Variants in SYDE2 observed in about 807,000 individuals in gnomAD.
SYDE2 encodes rho GTPase-activating protein SYDE2.
Under a neutral mutation model 91.5 loss-of-function variants are expected in SYDE2, and 76 were observed. That is an observed-to-expected ratio of 0.83 (90% CI 0.69 to 1.01). The LOEUF (loss-of-function observed/expected upper bound fraction) is 1.01. Ranked by LOEUF, SYDE2 falls within the 50% of genes least tolerant of loss-of-function variation. The pLI is 0.00. For synonymous variants in SYDE2, 513 were observed against 506.4 expected, an observed-to-expected ratio of 1.01 and a Z score of -0.18; for missense variants, 1,364 against 1,367.7, an observed-to-expected ratio of 1.00 and a Z score of 0.04.
rs765396496 is a variant in SYDE2, at chr1:85,182,430, T to C, written c.2212A>G (p.Asn738Asp). Residue 738 changes from asparagine (N) to aspartate (D), a missense_variant, in exon 3 of 7, where the codon AAT becomes GAT. Coordinates refer to ENST00000341460, the MANE Select transcript of SYDE2 (RefSeq NM_032184.2). ...MDHTFNIEIE[N>D]AQHLKLVVFS... Reference sequence around the variant, plus strand: ...ACTACTAGTTTCAAATGTTGTGCATTTTCAATTTCTATGTTGAAAGTGTGA... The same window carrying C: ...ACTACTAGTTTCAAATGTTGTGCATCTTCAATTTCTATGTTGAAAGTGTGA... The C allele has an allele frequency of 1.2e-6, 2 of 1,613,656 alleles. No individual in the cohort carries two copies. The highest frequency in any genetic ancestry group is 2.2e-5 in the East Asian group (1 of 44,874).
chr1:85,168,918 A>C, intron 5 of SYDE2, 126 bp downstream of exon 5: 1 of 808,842 alleles, frequency 1.2e-6, no homozygotes, highest in African/African-American at 1.7e-5. Context: ...TAAAGGCAGT[A>C]ATGGCAGAGC....
chr1:85,195,604 G>C (rs193249155), intron 1 of SYDE2, among the ~76,000 whole-genome samples: 1 of 151,916 alleles, frequency 6.6e-6, no homozygotes, highest in Non-Finnish European at 1.5e-5. Flanking sequence ...CTTTTGAGAC[G>C]GGAAAGTAGA....
At chr1:85,181,176 G>C (rs1657906506) in intron 3 of SYDE2, 1 of 119,474 alleles carries the variant, frequency 8.4e-6, no homozygotes, top group Non-Finnish European at 1.6e-5. Flanking sequence ...TTTTGCAACG[G>C]AGTCTCACTC....
intron 1 of SYDE2, among the ~76,000 whole-genome samples, chr1:85,194,512 T>C (rs758925420): frequency 1.2e-3 from 180 of 148,772 alleles, no homozygotes; most frequent in Non-Finnish European, 8.6e-4. Flanking sequence ...ATGTTATATA[T>C]ACACACACAC....
chr1:85,190,045 G>T lies in SYDE2; in HGVS notation c.1441+12C>A. On this transcript the variant is annotated intron_variant, in intron 2 of 6. Coordinates refer to ENST00000341460, the MANE Select transcript of SYDE2 (RefSeq NM_032184.2). ...GAAGAAGAAAGAAAGACACATATAT[G>T]ATCATTTTTACCTGCAAAAGGAGAT... 2 of 1,565,140 alleles carry T rather than the reference G, an allele frequency of 1.3e-6. No homozygotes were observed. The highest frequency in any genetic ancestry group is 1.7e-4 in the Middle Eastern group (1 of 5,828).
chr1:85,191,214 T>C (rs1046927337), intron 1 of SYDE2, among the ~76,000 whole-genome samples: 4 of 152,196 alleles, frequency 2.6e-5, no homozygotes, highest in South Asian at 2.1e-4. Flanking sequence ...CAAGAAACTA[T>C]GCCTTACTAA....
downstream of SYDE2, chr1:85,153,603 T>C (rs1347441646): frequency 6.6e-6 from 1 of 152,190 alleles, no homozygotes; most frequent in East Asian, 1.9e-4. Context: ...CATGCTTCTG[T>C]CTGGGACTGT....
chr1:85,166,913 T>G (rs817422), intron 5 of SYDE2, among the ~76,000 whole-genome samples: 11,734 of 151,984 alleles, frequency 0.077, 514 homozygotes, highest in Middle Eastern at 0.13. Flanking sequence ...GTCATGTTCC[T>G]TTTGAAAATT....
chr1:85,189,359 T>C (rs138992690), intron 2 of SYDE2, among the ~76,000 whole-genome samples: 43 of 152,292 alleles, frequency 2.8e-4, no homozygotes, highest in African/African-American at 9.6e-4. Flanking sequence ...CACAAACTAA[T>C]GACCACTGGT....
At chr1:85,185,188 A>G (rs1570262872) in intron 2 of SYDE2, among the ~76,000 whole-genome samples, 2 of 147,976 alleles carry the variant, frequency 1.4e-5, no homozygotes, top group South Asian at 2.1e-4. Context: ...ATTATCATAT[A>G]TTTTACAATA....
rs1658322772 is a variant in SYDE2 at position 85,190,468 on chromosome 1, T to A, written c.1030A>T (p.Asn344Tyr). The stretch of plus-strand genomic sequence containing the variant: ...TTCGATAATGAAGAGTTTGTAGCGT[T>A]ACATACCACATATGTACAGTACTCT... ...SKEYCTYVVC[N>Y]ATNSSLSKNC... Residue 344 changes from asparagine to tyrosine, a missense_variant, in exon 2 of 7, where the codon AAC (asparagine) becomes TAC (tyrosine). By Grantham distance (143) the Asn-to-Tyr change is moderately radical (BLOSUM62 -2). Coordinates refer to ENST00000341460, the MANE Select transcript of SYDE2 (RefSeq NM_032184.2). 6.2e-7 allele frequency: 1 copy of A among 1,613,916 alleles called. No homozygotes were observed. Among genetic ancestry groups the A allele is most frequent in the Non-Finnish European group, 8.5e-7 (1 of 1,179,904 alleles).
At chr1:85,192,700 A>G (rs1042200518) in intron 1 of SYDE2, among the ~76,000 whole-genome samples, 1 of 152,164 alleles carries the variant, frequency 6.6e-6, no homozygotes, top group Non-Finnish European at 1.5e-5. Flanking sequence ...GAACAATCCT[A>G]TGAAACAGGT....
chr1:85,159,288 C>A (rs1207146231), intron 6 of SYDE2, 39 bp from the exon 7 acceptor site: 2 of 750,642 alleles, frequency 2.7e-6, no homozygotes, highest in Middle Eastern at 2.3e-4. Flanking sequence ...TGACAGTAAT[C>A]CAACTGAACT....
chr1:85,161,087 T>A, intron 6 of SYDE2: 7 of 985,194 alleles, frequency 7.1e-6, no homozygotes, highest in Non-Finnish European at 8.4e-6. Context: ...AAAGTTCTGG[T>A]TTTCCCATCA....
intron 5 of SYDE2, 103 bp downstream of exon 5, chr1:85,168,941 G>T: frequency 9.7e-7 from 1 of 1,034,858 alleles, no homozygotes; most frequent in Non-Finnish European, 1.5e-6. Context: ...TTAAATCCAT[G>T]AGTGCCACAA....
chr1:85,182,887 C>G lies in SYDE2; in HGVS notation c.1755G>C (p.Lys585Asn), dbSNP rs545541943. 1.4e-5 allele frequency: 22 copies of G among 1,613,538 alleles called. No homozygotes were observed. The highest frequency in any genetic ancestry group is 1.9e-5 in the Non-Finnish European group (22 of 1,179,772). Reference sequence around the variant, plus strand: ...GATGGTATCGGCTTATAACATTCCTCTTAGCAGCGGTGGTTGTGTTCCCAG... The same window carrying G: ...GATGGTATCGGCTTATAACATTCCTGTTAGCAGCGGTGGTTGTGTTCCCAG... The part of the protein sequence containing the change: ...LPSGNTTTAA[K>N]RNVISRYHLD... The change falls in exon 3 of 7, where the codon AAG (lysine) becomes AAC (asparagine). Residue 585 changes from lysine to asparagine, a missense_variant. Transcript: ENST00000341460.
In SYDE2 at chr1:85,164,757, C is replaced by T. The variant is rs746374687; in HGVS notation, c.2854G>A (p.Ala952Thr). ...TGATCCAACAACATCTTTAGGGTTG[C>T]CTAAATTAAATTAAATTTCAATTAA... The part of the protein sequence containing the change: ...LLDCLPEIEK[A>T]TLKMLLDHLK... The change falls in exon 6 of 7, where the codon GCA becomes ACA. Residue 952 changes from alanine to threonine, a missense_variant and splice_region_variant. By Grantham distance (58) the Ala-to-Thr change is moderately conservative. Coordinates refer to ENST00000341460, the MANE Select transcript of SYDE2 (RefSeq NM_032184.2). The T allele has an allele frequency of 6.0e-6, 8 of 1,336,352 alleles. No homozygotes were observed. The highest frequency in any genetic ancestry group is 6.7e-6 in the Non-Finnish European group (7 of 1,038,302). 82.8% of individuals were successfully genotyped at this position (1,336,352 alleles called of 1,614,324 possible).
Position 85,173,640 on chromosome 1 carries a change from C to G in SYDE2, c.2672-4415G>C, listed in dbSNP as rs145640335. Among the ~76,000 whole-genome samples, 23 of 152,218 alleles carry G rather than the reference C, an allele frequency of 1.5e-4. No individual in the cohort carries two copies. In the East Asian group the frequency reaches 4.4e-3, roughly 29 times the overall value. ...AAACTCTTTGCAAGTAACGTACTTG[C>G]ATACCAAACAACAGAAATATCCAGC... On this transcript the variant is annotated intron_variant, in intron 4 of 6. Coordinates refer to ENST00000341460, the MANE Select transcript of SYDE2 (RefSeq NM_032184.2).
chr1:85,200,743 C>T lies in SYDE2; in HGVS notation c.254G>A (p.Arg85Lys), dbSNP rs544931524. 6.5e-7 allele frequency: 1 copy of T among 1,532,392 alleles called. No individual in the cohort carries two copies. Among genetic ancestry groups the T allele is most frequent in the South Asian group, 1.2e-5 (1 of 83,868 alleles). The allele number at this position is 1,532,392 out of a possible 1,614,324, so 94.9% of individuals were successfully genotyped here. Reference sequence around the variant, plus strand: ...ACCCACCCGGAGGCTCTCGAGGCTTCTGCTGCAGGACGGCCGCATCCGAGG... The same window carrying T: ...ACCCACCCGGAGGCTCTCGAGGCTTTTGCTGCAGGACGGCCGCATCCGAGG... ...RTPRMRPSCS[R>K]SLESLRVGAK... The change falls in exon 1 of 7, where the codon AGA becomes AAA. Residue 85 changes from arginine to lysine, a missense_variant. Transcript: ENST00000341460.
Sources: gnomAD v4.1 joint callset for allele counts (sites outside exome capture counted in the v4.1 genomes callset) on GRCh38, gnomAD v4.1.1 for gene constraint, MANE v1.5 for transcripts, NCBI Gene and HGNC (gene_info 2026-07-23, HGNC 2026-07-21) for gene names.